The following RBFOX1 variants were observed in gnomAD, a reference collection of about 807,000 sequenced individuals.
The protein encoded by RBFOX1 is RNA binding fox-1 homolog 1.
Under a neutral mutation model 57.7 loss-of-function variants are expected in RBFOX1, and 8 were observed. The ratio of observed to expected loss-of-function variants is 0.14; its 90% CI spans 0.08 to 0.25. RBFOX1 has a LOEUF of 0.25. Ranked by LOEUF, RBFOX1 falls within the 10% of genes least tolerant of loss-of-function variation. The pLI is 1.00. For synonymous variants in RBFOX1, 326 were observed against 222.4 expected (o/e 1.47, Z -4.15); for missense variants, 611 against 548.5 (o/e 1.11, Z -1.14).
rs56041241 is a variant in RBFOX1 at position 7,398,833 on chromosome 16, C to G, written c.28-119314C>G. On this transcript the variant is annotated intron_variant, in intron 4 of 15. Coordinates refer to ENST00000550418, the MANE Select transcript of RBFOX1 (RefSeq NM_018723.4). ...TGGAGGGAATAATTCTGAGATGACC[C>G]TTTTAAAATGTAATCCTTGTACTAA... Among the ~76,000 whole-genome samples, 1,311 of 152,294 alleles carry G rather than the reference C, an allele frequency of 8.6e-3. 22 individuals are homozygous for G. The highest frequency in any genetic ancestry group is 0.03 in the African/African-American group (1,238 of 41,554).
At chr16:7,710,168 T>TGC (rs2083748620) in intron 15 of RBFOX1, 1 of 1,029,198 alleles carries the variant, frequency 9.7e-7, no homozygotes, top group South Asian at 3.9e-5. Context: ...CCATACAGCT[T>TGC]ACAGAGCCAA....
chr16:5,672,337 C>T (rs2050037728), intron 3 of RBFOX1, among the ~76,000 whole-genome samples: 1 of 152,152 alleles, frequency 6.6e-6, no homozygotes, highest in Non-Finnish European at 1.5e-5. Context: ...GTCAGGAGGG[C>T]TCTTGACTTC....
Position 6,097,617 on chromosome 16 carries a change from A to G in RBFOX1, c.-127+77625A>G, listed in dbSNP as rs949487318. Among the ~76,000 whole-genome samples the G allele has an allele frequency of 1.3e-5, 2 of 152,150 alleles. No individual in the cohort carries two copies. Among genetic ancestry groups the G allele is most frequent in the African/African-American group, 4.8e-5 (2 of 41,416 alleles). On this transcript the variant is annotated intron_variant, in intron 1 of 15. Transcript: ENST00000550418. This position sits in a 1 kb window ranked among gnomAD's most constrained non-coding sequence, Gnocchi z 5.0. ...TATTCTCATTTCACAGATGAGAAAA[A>G]TGAGTCAGTAGGAGGAAAAGTGATT...
At chr16:6,467,393 T>C (rs1159360603) in intron 2 of RBFOX1, among the ~76,000 whole-genome samples, 2 of 152,130 alleles carry the variant, frequency 1.3e-5, no homozygotes, top group Non-Finnish European at 2.9e-5. Context: ...TATAGTATTG[T>C]TATTTTAATA....
chr16:6,819,592 C>T (rs754667181), intron 3 of RBFOX1, among the ~76,000 whole-genome samples: 2 of 151,162 alleles, frequency 1.3e-5, no homozygotes, highest in Non-Finnish European at 2.9e-5. Flanking sequence ...GTAATCCCAG[C>T]TACTCGGGAG....
At chr16:6,151,406 C>G (rs1049029467) in intron 1 of RBFOX1, among the ~76,000 whole-genome samples, 3 of 152,164 alleles carry the variant, frequency 2.0e-5, no homozygotes, top group African/African-American at 7.2e-5. Context: ...CTGCCTCAGC[C>G]TCCCAAGTAG....
At chr16:7,226,509 C>T (rs1287504441) in intron 4 of RBFOX1, among the ~76,000 whole-genome samples, 1 of 152,188 alleles carries the variant, frequency 6.6e-6, no homozygotes, top group African/African-American at 2.4e-5. Context: ...GAGGGCAAAA[C>T]CCTGAATTTT....
At chr16:5,665,626 G>C (rs35124876) in intron 3 of RBFOX1, among the ~76,000 whole-genome samples, 16,726 of 152,216 alleles carry the variant, frequency 0.11, 1,194 homozygotes, top group East Asian at 0.23. Flanking sequence ...TTCAGTGTTT[G>C]GCAGATAGTT....
intron 4 of RBFOX1, among the ~76,000 whole-genome samples, chr16:7,435,571 G>A (rs2098715048): frequency 6.6e-6 from 1 of 152,190 alleles, no homozygotes; most frequent in South Asian, 2.1e-4. Flanking sequence ...CTACATCCAT[G>A]AGGCTTTTCA....
intron 3 of RBFOX1, among the ~76,000 whole-genome samples, chr16:5,644,418 C>T (rs1168279294): frequency 6.6e-6 from 1 of 152,152 alleles, no homozygotes; most frequent in African/African-American, 2.4e-5. Context: ...AAGGAGAATT[C>T]TCTAAGTCTG....
intron 2 of RBFOX1, among the ~76,000 whole-genome samples, chr16:6,338,532 A>T (rs967234672): frequency 6.6e-6 from 1 of 152,242 alleles, no homozygotes. Context: ...ACAAATTCTC[A>T]TACAGTTGAG....
chr16:6,780,854 G>T (rs747605276), intron 3 of RBFOX1, among the ~76,000 whole-genome samples: 1 of 151,856 alleles, frequency 6.6e-6, no homozygotes, highest in Non-Finnish European at 1.5e-5. Flanking sequence ...TTGGGGTTTT[G>T]TACCAAGTTG....
chr16:5,978,667 T>G (rs202144000), intron 4 of RBFOX1, among the ~76,000 whole-genome samples: 7 of 147,278 alleles, frequency 4.8e-5, no homozygotes, highest in Non-Finnish European at 7.4e-5. Flanking sequence ...GTTTTTTTTG[T>G]TTTTTTGTTT....
intron 1 of RBFOX1, among the ~76,000 whole-genome samples, chr16:6,096,840 T>C (rs764295563): frequency 2.4e-4 from 37 of 152,320 alleles, no homozygotes; most frequent in Non-Finnish European, 4.7e-4. Flanking sequence ...ATTGGCCAGG[T>C]CATCAGCCTC....
At chr16:6,720,522 G>C (rs1391635309) in intron 3 of RBFOX1, among the ~76,000 whole-genome samples, 2 of 152,360 alleles carry the variant, frequency 1.3e-5, no homozygotes, top group East Asian at 3.9e-4. Context: ...TCAGGAAAGG[G>C]TGTTACAGGC....
intron 1 of RBFOX1, among the ~76,000 whole-genome samples, chr16:6,288,055 C>G (rs191734143): frequency 1.4e-4 from 21 of 152,302 alleles, no homozygotes; most frequent in African/African-American, 5.1e-4. Flanking sequence ...GCTAACATGG[C>G]TCACATGTTC....
At chr16:7,573,526 A>G (rs921333784) in intron 5 of RBFOX1, among the ~76,000 whole-genome samples, 6 of 152,114 alleles carry the variant, frequency 3.9e-5, no homozygotes, top group Admixed American at 3.3e-4. Context: ...GGTAGGTCTC[A>G]CTTTAGAGCC....
chr16:6,661,777 A>G (rs564190084), intron 3 of RBFOX1, among the ~76,000 whole-genome samples: 13 of 152,222 alleles, frequency 8.5e-5, no homozygotes, highest in Non-Finnish European at 1.5e-4. Context: ...GAACATGGGA[A>G]TGCAACTGTC....
chr16:6,429,188 C>G (rs546359813), intron 2 of RBFOX1, among the ~76,000 whole-genome samples: 10 of 152,196 alleles, frequency 6.6e-5, no homozygotes, highest in Admixed American at 2.6e-4. Context: ...TATCATCAAG[C>G]AAGTTCCAAA....
Sources: gnomAD v4.1 joint callset for allele counts (sites outside exome capture counted in the v4.1 genomes callset) on GRCh38, gnomAD v4.1.1 for gene constraint, Gnocchi (gnomAD v3.1) non-coding constraint, MANE v1.5 for transcripts, NCBI Gene and HGNC (gene_info 2026-07-23, HGNC 2026-07-21) for gene names.